The following PTCHD1 variants were observed in gnomAD, a reference collection of about 807,000 sequenced individuals.
PTCHD1 encodes the protein patched domain-containing protein 1.
In PTCHD1, 3 loss-of-function variants were observed where a neutral mutation model predicts 34.6. The ratio of observed to expected loss-of-function variants is 0.09; its 90% CI spans 0.04 to 0.22. PTCHD1 has a LOEUF of 0.22. Ranked by LOEUF, PTCHD1 falls within the 10% of genes least tolerant of loss-of-function variation. The pLI is 1.00. For missense variants in PTCHD1, 504 were observed against 685.5 expected (o/e 0.74, Z 2.96); for synonymous variants, 305 against 283.1 (o/e 1.08, Z -0.77).
chrX:23,380,127 A>G lies in PTCHD1; in HGVS notation c.888A>G (p.Lys296=), dbSNP rs1220284139. The change falls in exon 2 of 3, where the codon AAA becomes AAG. Residue 296 remains lysine, a synonymous_variant. Transcript: ENST00000379361. Reference sequence around the variant, plus strand: ...CTATGCAGGACTGCGTCCGCAGCAAACCCTGGCTAGGCCTGCTCGGATTGG... The same window carrying G: ...CTATGCAGGACTGCGTCCGCAGCAAGCCCTGGCTAGGCCTGCTCGGATTGG... The part of the protein sequence containing the change: ...CCSMQDCVRS[K]PWLGLLGLVT... The G allele has an allele frequency of 8.3e-7, 1 of 1,211,489 alleles. No individual in the cohort carries two copies. The highest frequency in any genetic ancestry group is 1.1e-6 in the Non-Finnish European group (1 of 895,292).
chrX:23,389,314 G>A (rs182857892), intron 2 of PTCHD1, among the ~76,000 whole-genome samples: 3 of 111,595 alleles, frequency 2.7e-5, no homozygotes, highest in East Asian at 2.8e-4. Context: ...ATAACAGGCC[G>A]ACCTCTTCAG....
intron 1 of PTCHD1, among the ~76,000 whole-genome samples, chrX:23,353,309 G>A (rs183041590): frequency 8.4e-4 from 94 of 112,526 alleles, no homozygotes; most frequent in African/African-American, 2.8e-3. Flanking sequence ...AAGCTAGGCC[G>A]GGCACAGTGG....
rs1445730282 is a variant in PTCHD1 at position 23,393,734 on chromosome X, T to C, written c.2216T>C (p.Ile739Thr). 3.3e-6 allele frequency: 4 copies of C among 1,211,653 alleles called. No homozygotes were observed. The highest frequency in any genetic ancestry group is 2.2e-6 in the Non-Finnish European group (2 of 895,282). The change falls in exon 3 of 3, where the codon ATA (isoleucine) becomes ACA (threonine). Residue 739 changes from isoleucine to threonine, a missense_variant. Physicochemically the swap from Ile to Thr is moderately conservative, Grantham distance 89 (BLOSUM62 -1). Coordinates refer to ENST00000379361, the MANE Select transcript of PTCHD1 (RefSeq NM_173495.3). ...GTTGTGTCCGTGGAGTTTGGAGTGA[T>C]AGGTTTCATGACATTATGGAAAGTA... ...LTVVSVEFGV[I>T]GFMTLWKVEL...
chrX:23,362,874 A>G (rs1025488597), intron 1 of PTCHD1, among the ~76,000 whole-genome samples: 7 of 112,361 alleles, frequency 6.2e-5, no homozygotes, highest in Non-Finnish European at 1.1e-4. Flanking sequence ...TTTTCCTTCT[A>G]ACAGTCAGGT....
Position 23,393,903 on chromosome X carries a change from G to C in PTCHD1, c.2385G>C (p.Gly795=). ...TAAAAAATGCCCTGGAAGTGCATGG[G>C]GTAGCTATTTTACAGAGTTACCTCT... ...KWVKNALEVH[G]VAILQSYLCY... Residue 795 remains glycine, a synonymous_variant, in exon 3 of 3, where the codon GGG becomes GGC. Transcript: ENST00000379361. The C allele has an allele frequency of 8.3e-7, 1 of 1,211,234 alleles. No individual in the cohort carries two copies. Among genetic ancestry groups the C allele is most frequent in the Non-Finnish European group, 1.1e-6 (1 of 895,289 alleles).
rs768498613 is a variant in PTCHD1 at position 23,401,317 on chromosome X, T to C, written c.*7132T>C. The C allele has an allele frequency of 8.9e-6, 1 of 112,497 alleles. No individual in the cohort carries two copies. The highest frequency in any genetic ancestry group is 2.8e-4 in the East Asian group (1 of 3,590). 9.3% of individuals were successfully genotyped at this position (112,497 alleles called of 1,213,427 possible). On this transcript the variant is annotated 3_prime_UTR_variant, in exon 3 of 3. Coordinates refer to ENST00000379361, the MANE Select transcript of PTCHD1 (RefSeq NM_173495.3). ...GTTCTCTTTGACAAAACAATTTCCTTAATTTTCTAGGATGAATCTTGAACA... is the reference window on the plus strand; with the variant it reads ...GTTCTCTTTGACAAAACAATTTCCTCAATTTTCTAGGATGAATCTTGAACA...
chrX:23,393,428 A>G lies in PTCHD1; in HGVS notation c.1910A>G (p.Asn637Ser), dbSNP rs1922889844. 5 of 1,211,082 alleles carry G rather than the reference A, an allele frequency of 4.1e-6. No homozygotes were observed. The highest frequency in any genetic ancestry group is 3.0e-5 in the East Asian group (1 of 33,854). The change falls in exon 3 of 3, where the codon AAT becomes AGT. Residue 637 changes from asparagine to serine, a missense_variant. Transcript: ENST00000379361. Reference protein sequence around the residue: ...QEDIIFSKKYNDEVDVVASRM... With the variant: ...QEDIIFSKKYSDEVDVVASRM... The stretch of plus-strand genomic sequence containing the variant: ...GACATCATCTTCTCTAAAAAATACA[A>G]TGATGAGGTCGATGTAGTGGCCTCC...
intron 2 of PTCHD1, among the ~76,000 whole-genome samples, chrX:23,384,187 A>G (rs765592262): frequency 9.8e-5 from 11 of 112,523 alleles, no homozygotes; most frequent in Non-Finnish European, 1.7e-4. Flanking sequence ...GGAGAATTGA[A>G]GTCGTAGTGA....
At chrX:23,359,019 G>A (rs1279965804) in intron 1 of PTCHD1, among the ~76,000 whole-genome samples, 1 of 111,991 alleles carries the variant, frequency 8.9e-6, no homozygotes, top group Non-Finnish European at 1.9e-5. Context: ...CTCTGTTTTG[G>A]TACCAGTACC....
chrX:23,383,974 T>C lies in PTCHD1; in HGVS notation c.1012+3723T>C, dbSNP rs140644155. 2.5e-3 allele frequency among the ~76,000 whole-genome samples: 282 copies of C among 112,296 alleles called. 1 individual carries two copies. Among genetic ancestry groups the C allele is most frequent in the Non-Finnish European group, 4.0e-3 (215 of 53,218 alleles). On this transcript the variant is annotated intron_variant, in intron 2 of 2. Coordinates refer to ENST00000379361, the MANE Select transcript of PTCHD1 (RefSeq NM_173495.3). ...GAAGATTTACACCATTATTCTCCAGTTGGGTATGATTTTTAAAATTAGCAT... is the reference window on the plus strand; with the variant it reads ...GAAGATTTACACCATTATTCTCCAGCTGGGTATGATTTTTAAAATTAGCAT...
chrX:23,390,678 A>T (rs1922807186), intron 2 of PTCHD1, among the ~76,000 whole-genome samples: 1 of 111,987 alleles, frequency 8.9e-6, no homozygotes, highest in African/African-American at 3.2e-5. Context: ...GTCAATTAAG[A>T]TAAATGCCAA....
At chrX:23,353,202 A>G (rs1306391860) in intron 1 of PTCHD1, among the ~76,000 whole-genome samples, 6 of 112,836 alleles carry the variant, frequency 5.3e-5, no homozygotes, top group Non-Finnish European at 9.4e-5. Flanking sequence ...TACTATGGTA[A>G]TGAAACATAT....
In PTCHD1 at chrX:23,355,186, C is replaced by T. The variant is rs545122092; in HGVS notation, c.351+19960C>T. On this transcript the variant is annotated intron_variant, in intron 1 of 2. Coordinates refer to ENST00000379361, the MANE Select transcript of PTCHD1 (RefSeq NM_173495.3). ...GACCCCGAGATTCCACGGAAGGTGT[C>T]CTGTGAGTGCGCACCCTACCCTCAG... Among the ~76,000 whole-genome samples, 65 of 110,649 alleles carry T rather than the reference C, an allele frequency of 5.9e-4. 2 individuals are homozygous for T. In the South Asian group the frequency reaches 0.025, roughly 42 times the overall value.
chrX:23,343,057 G>A (rs1027802287), intron 1 of PTCHD1, among the ~76,000 whole-genome samples: 6 of 112,424 alleles, frequency 5.3e-5, no homozygotes, highest in Admixed American at 9.4e-5. Flanking sequence ...TGCAGCAGGT[G>A]CTTAATAAAT....
chrX:23,352,302 A>T (rs1921658800), intron 1 of PTCHD1, among the ~76,000 whole-genome samples: 1 of 111,933 alleles, frequency 8.9e-6, no homozygotes, highest in Non-Finnish European at 1.9e-5. Context: ...GAGCTTGGTG[A>T]CCAACTGACA....
intron 1 of PTCHD1, 63 bp downstream of exon 1, chrX:23,335,289 C>T: frequency 1.1e-6 from 1 of 934,495 alleles, no homozygotes. Context: ...GCTGGCTCTG[C>T]GCTGGGGTCC....
rs766827173 is a variant in PTCHD1 at position 23,396,358 on chromosome X, A to T, written c.*2173A>T. The T allele has an allele frequency of 8.9e-6, 1 of 112,140 alleles. No homozygotes were observed. The highest frequency in any genetic ancestry group is 3.8e-4 in the South Asian group (1 of 2,663). The allele number at this position is 112,140 out of a possible 1,213,427, so 9.2% of individuals were successfully genotyped here. A position where few individuals can be genotyped will look rare whatever the true frequency, so the allele number is the denominator to read the frequency against. ...ACAAAAGGGCAAGTTTGCATAATAGATCTTCGATCAATTCTCTCTCCAAGG... is the reference window on the plus strand; with the variant it reads ...ACAAAAGGGCAAGTTTGCATAATAGTTCTTCGATCAATTCTCTCTCCAAGG... On this transcript the variant is annotated 3_prime_UTR_variant, in exon 3 of 3. Transcript: ENST00000379361.
rs1385879428 is a variant in PTCHD1, at chrX:23,403,277, C to T, written c.*9092C>T. 8.9e-6 allele frequency: 1 copy of T among 112,226 alleles called. No homozygotes were observed. The highest frequency in any genetic ancestry group is 3.2e-5 in the African/African-American group (1 of 30,902). 9.2% of individuals were successfully genotyped at this position (112,226 alleles called of 1,213,427 possible). On this transcript the variant is annotated 3_prime_UTR_variant, in exon 3 of 3. Coordinates refer to ENST00000379361, the MANE Select transcript of PTCHD1 (RefSeq NM_173495.3). ...CCAGTATTTTAGTTGGGTTTCTTCA[C>T]ACTTAGGCAAGTGGGTGATTCTGGT... is the stretch of plus-strand genomic sequence containing the variant.
intron 1 of PTCHD1, among the ~76,000 whole-genome samples, chrX:23,377,566 C>A (rs1170682024): frequency 1.0e-5 from 1 of 99,326 alleles, no homozygotes; most frequent in African/African-American, 3.8e-5. Flanking sequence ...GTGAAAATAG[C>A]CTCCTAGGGG....
Sources: allele counts gnomAD v4.1 joint callset (sites outside exome capture counted in the v4.1 genomes callset), GRCh38; gene constraint gnomAD v4.1.1; transcripts MANE v1.5; gene names NCBI Gene and HGNC (gene_info 2026-07-23, HGNC 2026-07-21).